ZKSCAN3: variants seen among roughly 807,000 people sequenced by gnomAD.
The protein encoded by ZKSCAN3 is zinc finger with KRAB and SCAN domains 3.
A neutral mutation model predicts 30.7 loss-of-function variants in ZKSCAN3; 21 were observed. The observed-to-expected ratio is 0.68, with a 90% CI of 0.49 to 0.99. The LOEUF is 0.99. ZKSCAN3 is among the 50% of genes least tolerant of loss of function. The pLI, the probability that ZKSCAN3 is intolerant of heterozygous loss-of-function variation, is 0.00. For synonymous variants in ZKSCAN3, 201 were observed against 246.7 expected, an observed-to-expected ratio of 0.81 and a Z score of 1.73; for missense variants, 507 against 647.1, an observed-to-expected ratio of 0.78 and a Z score of 2.35.
chr6:28,363,431 G>C, intron 4 of ZKSCAN3, 46 bp downstream of exon 4: 2 of 1,575,836 alleles, frequency 1.3e-6, no homozygotes, highest in Non-Finnish European at 1.7e-6. Flanking sequence ...CACTACTATT[G>C]AGCTTCCTGT....
chr6:28,356,879 G>A (rs1225700101), intron 1 of ZKSCAN3, among the ~76,000 whole-genome samples: 15 of 152,208 alleles, frequency 9.9e-5, no homozygotes, highest in Admixed American at 7.9e-4. Context: ...TAGCCGCTCC[G>A]GGAGCCTGGG....
rs761340095 is a variant in ZKSCAN3, at chr6:28,366,224, G to A, written c.1556G>A (p.Arg519Gln). ...AATGCGTGTGGAAAAGGCTTCACCC[G>A]AATTTCATACCTTGTTCAACATCAG... Reference protein sequence around the residue: ...QCNACGKGFTRISYLVQHQRS... With the variant: ...QCNACGKGFTQISYLVQHQRS... The change falls in exon 6 of 6, where the codon CGA becomes CAA. Residue 519 changes from arginine (R) to glutamine (Q), a missense_variant. Physicochemically the swap from Arg to Gln is conservative, Grantham distance 43 (BLOSUM62 1). Coordinates refer to ENST00000252211, the MANE Select transcript of ZKSCAN3 (RefSeq NM_024493.4). 11 of 1,567,534 alleles carry A rather than the reference G, an allele frequency of 7.0e-6. No homozygotes were observed. Among genetic ancestry groups the A allele is most frequent in the Admixed American group, 2.0e-5 (1 of 49,616 alleles).
chr6:28,359,669 A>G lies in ZKSCAN3; in HGVS notation c.83A>G (p.Glu28Gly). 6.2e-7 allele frequency: 1 copy of G among 1,614,226 alleles called. No homozygotes were observed. The highest frequency in any genetic ancestry group is 1.7e-5 in the Admixed American group (1 of 60,018). Residue 28 changes from glutamate to glycine, a missense_variant, in exon 2 of 6, where the codon GAG (glutamate) becomes GGG (glycine). Glu to Gly is a moderately conservative substitution (Grantham distance 98, BLOSUM62 -2). Coordinates refer to ENST00000252211, the MANE Select transcript of ZKSCAN3 (RefSeq NM_024493.4). Reference sequence around the variant, plus strand: ...ATGGAGCTTCTGGTCATAAAGGTGGAGGAAGAAGAAGCCGGTTTTCCCAGT... The same window carrying G: ...ATGGAGCTTCTGGTCATAAAGGTGGGGGAAGAAGAAGCCGGTTTTCCCAGT... ...DQMELLVIKV[E>G]EEEAGFPSSP... is the part of the protein sequence containing the mutation.
Position 28,366,145 on chromosome 6 carries a change from A to G in ZKSCAN3, c.1477A>G (p.Thr493Ala). 1 of 1,609,084 alleles carries G rather than the reference A, an allele frequency of 6.2e-7. No homozygotes were observed. Among genetic ancestry groups the G allele is most frequent in the Non-Finnish European group, 8.5e-7 (1 of 1,178,098 alleles). The change falls in exon 6 of 6, where the codon ACA becomes GCA. Residue 493 changes from threonine (T) to alanine (A), a missense_variant. Physicochemically the swap from Thr to Ala is moderately conservative, Grantham distance 58. Coordinates refer to ENST00000252211, the MANE Select transcript of ZKSCAN3 (RefSeq NM_024493.4). Reference sequence around the variant, plus strand: ...GTGTGAAAGAAGTTTCACTCAGAATACAGGCCTCATTGAACATCAAAAAAT... The same window carrying G: ...GTGTGAAAGAAGTTTCACTCAGAATGCAGGCCTCATTGAACATCAAAAAAT... ...NECERSFTQN[T>A]GLIEHQKIHT... is the part of the protein sequence containing the mutation.
chr6:28,363,738 G>A lies in ZKSCAN3; in HGVS notation c.680G>A (p.Trp227Ter). 6.2e-7 allele frequency: 1 copy of A among 1,614,006 alleles called. No individual in the cohort carries two copies. The highest frequency in any genetic ancestry group is 8.5e-7 in the Non-Finnish European group (1 of 1,179,948). The part of the protein sequence containing the change: ...EDVALTLTPE[W>*]TQQDSSQGNL... ...GTGGCCCTGACCCTCACCCCTGAAT[G>A]GACACAGCAGGATTCATCTCAGGGG... is the stretch of plus-strand genomic sequence containing the variant. The change falls in exon 5 of 6, where the codon TGG (tryptophan) becomes TAG (stop). Residue 227 changes from tryptophan (W) to a stop codon, truncating the protein, a stop_gained. Coordinates refer to ENST00000252211, the MANE Select transcript of ZKSCAN3 (RefSeq NM_024493.4). LOFTEE classifies it high-confidence loss of function.
intron 2 of ZKSCAN3, chr6:28,360,432 A>G (rs188782857): frequency 1.5e-4 from 57 of 377,906 alleles, no homozygotes; most frequent in Admixed American, 1.9e-4. Context: ...GCTTCCATTC[A>G]TAATTGGAAG....
intron 1 of ZKSCAN3, among the ~76,000 whole-genome samples, chr6:28,356,991 G>A (rs1765475318): frequency 6.6e-6 from 1 of 152,232 alleles, no homozygotes; most frequent in Non-Finnish European, 1.5e-5. Flanking sequence ...GCAGGGAGCT[G>A]GAAGAACACT....
chr6:28,360,169 T>C (rs1287367182), intron 2 of ZKSCAN3, 181 bp downstream of exon 2: 1 of 1,076,390 alleles, frequency 9.3e-7, no homozygotes, highest in African/African-American at 1.6e-5. Flanking sequence ...TTTTTTAAAA[T>C]ACATAAACCA....
chr6:28,359,211 G>T (rs213231), intron 1 of ZKSCAN3, among the ~76,000 whole-genome samples: 16,582 of 152,128 alleles, frequency 0.11, 1,154 homozygotes, highest in African/African-American at 0.19. Flanking sequence ...GACCTGGTTG[G>T]TAATGGGATA....
rs779909987 is a variant in ZKSCAN3 at position 28,365,646 on chromosome 6, C to T, written c.978C>T (p.Ser326=). 1 of 1,614,266 alleles carries T rather than the reference C, an allele frequency of 6.2e-7. No homozygotes were observed. Among genetic ancestry groups the T allele is most frequent in the Non-Finnish European group, 8.5e-7 (1 of 1,180,052 alleles). The part of the protein sequence containing the change: ...CHECGKSFAQ[S]SGLSKHRRIH... ...AATGTGGAAAGAGTTTTGCTCAAAG[C>T]TCAGGCCTGAGTAAACACAGGAGAA... Residue 326 remains serine (S), a synonymous_variant, in exon 6 of 6, where the codon AGC becomes AGT. Coordinates refer to ENST00000252211, the MANE Select transcript of ZKSCAN3 (RefSeq NM_024493.4).
At position 28,359,893 on chromosome 6, in the gene ZKSCAN3, C is replaced by T. The variant is rs1464736968; in HGVS notation, c.307C>T (p.Gln103Ter). Reference sequence around the variant, plus strand: ...CCTGACCATCCTGCCGGGGAATCTGCAGAGCTGGGTGCGGGAGCAGCATCC... The same window carrying T: ...CCTGACCATCCTGCCGGGGAATCTGTAGAGCTGGGTGCGGGAGCAGCATCC... ...QFLTILPGNL[Q>*]SWVREQHPES... Residue 103 changes from glutamine to a stop codon, truncating the protein, a stop_gained, in exon 2 of 6, where the codon CAG (glutamine) becomes TAG (stop). Coordinates refer to ENST00000252211, the MANE Select transcript of ZKSCAN3 (RefSeq NM_024493.4). LOFTEE classifies it high-confidence loss of function. 1 of 1,614,070 alleles carries T rather than the reference C, an allele frequency of 6.2e-7. No homozygotes were observed. The highest frequency in any genetic ancestry group is 1.7e-5 in the Admixed American group (1 of 60,018).
chr6:28,365,924 T>A lies in ZKSCAN3; in HGVS notation c.1256T>A (p.Ile419Asn). The change falls in exon 6 of 6, where the codon ATC (isoleucine) becomes AAC (asparagine). Residue 419 changes from isoleucine to asparagine, a missense_variant. Coordinates refer to ENST00000252211, the MANE Select transcript of ZKSCAN3 (RefSeq NM_024493.4). ...TGCAGCCTCCTTGAACATCACAGAATCCACACTGGGGAGAAGCCGTATCAG... is the reference window on the plus strand; with the variant it reads ...TGCAGCCTCCTTGAACATCACAGAAACCACACTGGGGAGAAGCCGTATCAG... ...QSCSLLEHHR[I>N]HTGEKPYQCS... The A allele has an allele frequency of 6.2e-7, 1 of 1,613,462 alleles. No individual in the cohort carries two copies. Among genetic ancestry groups the A allele is most frequent in the South Asian group, 1.1e-5 (1 of 90,960 alleles).
Position 28,363,394 on chromosome 6 carries a change from G to A in ZKSCAN3, c.633+9G>A, listed in dbSNP as rs778194634. The A allele has an allele frequency of 3.1e-6, 5 of 1,613,166 alleles. No individual in the cohort carries two copies. Among genetic ancestry groups the A allele is most frequent in the South Asian group, 2.2e-5 (2 of 90,990 alleles). On this transcript the variant is annotated intron_variant, in intron 4 of 5. Transcript: ENST00000252211. ...TTACTCCAGAGTCCCAGGTGAGCTG[G>A]AGCCCTATCCCTCCCCCAATGCCCC...
Position 28,351,754 on chromosome 6 carries a change from C to CT in ZKSCAN3, c.-63+1695dup, listed in dbSNP as rs1278019821. Among the ~76,000 whole-genome samples the CT allele has an allele frequency of 6.6e-6, 1 of 151,170 alleles. No individual in the cohort carries two copies. Among genetic ancestry groups the CT allele is most frequent in the Non-Finnish European group, 1.5e-5 (1 of 67,824 alleles). ...TCCCTCCCTCTCCCCCTCTTTATCTCTTTTTTTTCCTCATTTCGTCCCTCT... is the reference window on the plus strand; with the variant it reads ...TCCCTCCCTCTCCCCCTCTTTATCTCTTTTTTTTTCCTCATTTCGTCCCTCT... On this transcript the variant is annotated intron_variant, in intron 1 of 5. Coordinates refer to ENST00000252211, the MANE Select transcript of ZKSCAN3 (RefSeq NM_024493.4). This position sits in a 1 kb window ranked among gnomAD's most constrained non-coding sequence, Gnocchi z 4.6.
intron 1 of ZKSCAN3, chr6:28,354,268 A>G: frequency 3.6e-6 from 1 of 276,296 alleles, no homozygotes; most frequent in East Asian, 8.3e-5. Context: ...TAAGCCAAGT[A>G]TGAGCTTACA....
Position 28,369,028 on chromosome 6 carries a change from C to T in ZKSCAN3, c.*2743C>T, listed in dbSNP as rs1766083860. On this transcript the variant is annotated 3_prime_UTR_variant, in exon 6 of 6. Coordinates refer to ENST00000252211, the MANE Select transcript of ZKSCAN3 (RefSeq NM_024493.4). This position sits in a 1 kb window ranked among gnomAD's most constrained non-coding sequence, Gnocchi z 4.1. ...AGAAATTGAATCATTATCCACAATC[C>T]TTTATAGAACTATCCAAGTCCCTGT... 1 of 152,188 alleles carries T rather than the reference C, an allele frequency of 6.6e-6. No individual in the cohort carries two copies. The highest frequency in any genetic ancestry group is 2.4e-5 in the African/African-American group (1 of 41,430). The allele number at this position is 152,188 out of a possible 1,614,324, so 9.4% of individuals were successfully genotyped here.
chr6:28,355,561 G>A (rs75521677), intron 1 of ZKSCAN3: 5,107 of 152,254 alleles, frequency 0.034, 215 homozygotes, highest in East Asian at 0.22. Flanking sequence ...TGGGTGCCCC[G>A]ATCAGCTACC....
Position 28,363,365 on chromosome 6 carries a change from A to C in ZKSCAN3, c.613A>C (p.Arg205=). ...CAGAGAAGATAAAGTGGTAGCTTCT[A>C]GGCTTACTCCAGAGTCCCAGGTGAG... is the stretch of plus-strand genomic sequence containing the variant. The part of the protein sequence containing the change: ...CCREDKVVAS[R]LTPESQGLLK... The change falls in exon 4 of 6, where the codon AGG becomes CGG. Residue 205 remains arginine (R), a synonymous_variant. Transcript: ENST00000252211. 1 of 1,613,952 alleles carries C rather than the reference A, an allele frequency of 6.2e-7. No individual in the cohort carries two copies. Among genetic ancestry groups the C allele is most frequent in the Non-Finnish European group, 8.5e-7 (1 of 1,179,936 alleles).
intron 1 of ZKSCAN3, among the ~76,000 whole-genome samples, chr6:28,355,020 G>A (rs1393608328): frequency 1.3e-5 from 2 of 152,202 alleles, no homozygotes; most frequent in African/African-American, 4.8e-5. Flanking sequence ...GTACTAGGCT[G>A]GGCTGCAACA....
Sources: allele counts gnomAD v4.1 joint callset (sites outside exome capture counted in the v4.1 genomes callset), GRCh38; gene constraint gnomAD v4.1.1; non-coding constraint Gnocchi (gnomAD v3.1); transcripts MANE v1.5; gene names NCBI Gene and HGNC (gene_info 2026-07-23, HGNC 2026-07-21).